The following ASB3 variants were observed in gnomAD, a reference collection of about 807,000 sequenced individuals.
ASB3 encodes ankyrin repeat and SOCS box protein 3.
Under a neutral mutation model 54.5 loss-of-function variants are expected in ASB3, and 41 were observed. The observed-to-expected ratio is 0.75, with a 90% CI of 0.59 to 0.98. ASB3 has a LOEUF of 0.98. Among genes scored for constraint, ASB3 ranks in the 50% least tolerant of loss-of-function variants. The pLI, the probability that ASB3 is intolerant of heterozygous loss-of-function variation, is 0.00. For synonymous variants in ASB3, 266 were observed against 221.2 expected (o/e 1.20, Z -1.80); for missense variants, 733 against 620.0 (o/e 1.18, Z -1.94).
At chr2:53,700,833 C>T (rs533544227) in intron 7 of ASB3, among the ~76,000 whole-genome samples, 9 of 152,224 alleles carry the variant, frequency 5.9e-5, no homozygotes, top group Admixed American at 4.6e-4. Context: ...ATATTTTGTA[C>T]AAATGAGTAT....
chr2:53,781,337 A>T (rs1214249369), intron 1 of ASB3, among the ~76,000 whole-genome samples: 1 of 151,782 alleles, frequency 6.6e-6, no homozygotes, highest in African/African-American at 2.4e-5. Flanking sequence ...ACTTTAGCCC[A>T]GGAGGTTGAG....
At position 53,753,408 on chromosome 2, in the gene ASB3, G is replaced by T. The variant is rs780280761; in HGVS notation, c.197-2467C>A. ...GAGAGGAAGGTTACATATAAGGAAA[G>T]AGGGAAGGCTAGAATGAACCATGTG... is the stretch of plus-strand genomic sequence containing the variant. On this transcript the variant is annotated intron_variant, in intron 2 of 9. Transcript: ENST00000263634. 2.0e-4 allele frequency among the ~76,000 whole-genome samples: 30 copies of T among 152,298 alleles called. 1 individual carries two copies. The highest frequency in any genetic ancestry group is 4.1e-4 in the Non-Finnish European group (28 of 68,024).
chr2:53,696,447 G>A (rs922824260), intron 8 of ASB3, among the ~76,000 whole-genome samples: 3 of 152,174 alleles, frequency 2.0e-5, no homozygotes, highest in Non-Finnish European at 4.4e-5. Context: ...CCTTCTAAGA[G>A]AATAAAGCTA....
chr2:53,742,067 A>G (rs572828935), intron 3 of ASB3, among the ~76,000 whole-genome samples: 2 of 152,308 alleles, frequency 1.3e-5, no homozygotes, highest in South Asian at 4.1e-4. Flanking sequence ...TAGCAGCAGG[A>G]ACTTCTCTGG....
At chr2:53,774,927 C>G (rs2542581) in intron 1 of ASB3, 102 of 154,818 alleles carry the variant, frequency 6.6e-4, no homozygotes, top group Non-Finnish European at 4.3e-5. Context: ...ATTCTGTAAC[C>G]ATGGTTTAAA....
chr2:53,670,700 CA>C lies in ASB3; in HGVS notation c.1370-11del. ...AGGGATGGAACAGTGGCTGGAGAAA[CA>C]AAAAAAGCAAGGTGAAACTTTTTTA... On this transcript the variant is annotated splice_polypyrimidine_tract_variant and intron_variant, in intron 9 of 9. Transcript: ENST00000263634. 1.3e-6 allele frequency: 2 copies of C among 1,579,674 alleles called. No homozygotes were observed. Among genetic ancestry groups the C allele is most frequent in the Non-Finnish European group, 1.7e-6 (2 of 1,166,006 alleles).
At chr2:53,759,900 C>A (rs975045581) in intron 2 of ASB3, among the ~76,000 whole-genome samples, 15 of 152,022 alleles carry the variant, frequency 9.9e-5, no homozygotes, top group Admixed American at 6.6e-4. Flanking sequence ...CCTCACAGAG[C>A]CCCGGGTATG....
chr2:53,740,968 C>A (rs79569433), intron 3 of ASB3, among the ~76,000 whole-genome samples: 1 of 152,216 alleles, frequency 6.6e-6, no homozygotes, highest in East Asian at 1.9e-4. Context: ...CTTACACCTT[C>A]TTCTAGGGCT....
intron 7 of ASB3, among the ~76,000 whole-genome samples, chr2:53,701,593 T>C (rs896679165): frequency 6.6e-6 from 1 of 152,162 alleles, no homozygotes; most frequent in Non-Finnish European, 1.5e-5. Context: ...TTCCTGAAAA[T>C]GATCCATATG....
intron 2 of ASB3, among the ~76,000 whole-genome samples, chr2:53,757,391 T>C (rs370166048): frequency 6.6e-6 from 1 of 152,204 alleles, no homozygotes; most frequent in African/African-American, 2.4e-5. Flanking sequence ...AAAGCTGTCG[T>C]CCCGAACTCC....
chr2:53,687,646 T>G (rs1161658676), intron 9 of ASB3, among the ~76,000 whole-genome samples: 2 of 152,214 alleles, frequency 1.3e-5, no homozygotes, highest in African/African-American at 4.8e-5. Context: ...AAAGGCCCAC[T>G]ACTGCCCCAC....
At chr2:53,781,632 A>T (rs1674655709) in intron 1 of ASB3, among the ~76,000 whole-genome samples, 1 of 152,062 alleles carries the variant, frequency 6.6e-6, no homozygotes, top group South Asian at 2.1e-4. Context: ...AGTAGCTGAG[A>T]TTACAGGCAT....
chr2:53,766,154 C>G (rs893126891), intron 1 of ASB3, among the ~76,000 whole-genome samples: 16 of 152,182 alleles, frequency 1.1e-4, no homozygotes, highest in Non-Finnish European at 2.4e-4. Flanking sequence ...CTCAGATTCT[C>G]TATGCTTGAC....
At chr2:53,736,097 A>T (rs1475946489) in intron 3 of ASB3, among the ~76,000 whole-genome samples, 2 of 152,182 alleles carry the variant, frequency 1.3e-5, no homozygotes, top group African/African-American at 4.8e-5. Flanking sequence ...ATAAAGGTAA[A>T]TAGTGATAAA....
At chr2:53,758,913 T>C (rs1313343714) in intron 2 of ASB3, among the ~76,000 whole-genome samples, 3 of 152,198 alleles carry the variant, frequency 2.0e-5, no homozygotes, top group Non-Finnish European at 2.9e-5. Flanking sequence ...TTTTTCCCTG[T>C]CAGACTTGAA....
chr2:53,673,070 A>G lies in ASB3; in HGVS notation c.1370-2380T>C, dbSNP rs548476303. Among the ~76,000 whole-genome samples the G allele has an allele frequency of 2.0e-4, 31 of 152,242 alleles. No homozygotes were observed. The South Asian group carries it at 6.0e-3, about 30-fold the overall frequency. On this transcript the variant is annotated intron_variant, in intron 9 of 9. Coordinates refer to ENST00000263634, the MANE Select transcript of ASB3 (RefSeq NM_016115.5). ...CTGCTGGTAGGAACACTGGCATTCT[A>G]GAGTGTAGCTGGCCAGCTGCAAACA... is the stretch of plus-strand genomic sequence containing the variant.
In ASB3 at chr2:53,784,182, T is replaced by C. The variant is rs78746348; in HGVS notation, c.-14+2639A>G. 3.7e-4 allele frequency among the ~76,000 whole-genome samples: 56 copies of C among 152,348 alleles called. No homozygotes were observed. The East Asian group carries it at 8.9e-3, about 24-fold the overall frequency. On this transcript the variant is annotated intron_variant, in intron 1 of 9. Transcript: ENST00000263634. ...GATTGTATAATTACAATATGGTAAATAGTTGATAAGTTTTCAATGTTTAAG... is the reference window on the plus strand; with the variant it reads ...GATTGTATAATTACAATATGGTAAACAGTTGATAAGTTTTCAATGTTTAAG...
At chr2:53,735,618 G>A (rs1440908344) in intron 3 of ASB3, among the ~76,000 whole-genome samples, 2 of 151,554 alleles carry the variant, frequency 1.3e-5, no homozygotes, top group Admixed American at 6.6e-5. Context: ...GGTGCTACAG[G>A]TATTGTCTTA....
rs1029723866 is a variant in ASB3, at chr2:53,786,874, G to A, written c.-67C>T. 4 of 289,212 alleles carry A rather than the reference G, an allele frequency of 1.4e-5. No homozygotes were observed. Among genetic ancestry groups the A allele is most frequent in the Non-Finnish European group, 2.6e-5 (4 of 154,122 alleles). The allele number at this position is 289,212 out of a possible 1,614,324, so 17.9% of individuals were successfully genotyped here. On this transcript the variant is annotated 5_prime_UTR_variant, in exon 1 of 10. Transcript: ENST00000263634. ...TGGCTGGTCCGAGGCCGCGTCTCCA[G>A]AGCTGCGTCCCAGAAGCCCCCGCTT...
Sources: allele counts gnomAD v4.1 joint callset (sites outside exome capture counted in the v4.1 genomes callset), GRCh38; gene constraint gnomAD v4.1.1; transcripts MANE v1.5; gene names NCBI Gene and HGNC (gene_info 2026-07-23, HGNC 2026-07-21).